The following CLSTN2 variants were observed in gnomAD, a reference collection of about 807,000 sequenced individuals.
CLSTN2 encodes calsyntenin-2.
In CLSTN2, 48 loss-of-function variants were observed where a neutral mutation model predicts 101.2. That is an observed-to-expected ratio of 0.47 (90% CI 0.38 to 0.60). CLSTN2 has a LOEUF of 0.60. Ranked by LOEUF, CLSTN2 falls within the 20% of genes least tolerant of loss-of-function variation. CLSTN2 has a pLI of 0.00. For synonymous variants in CLSTN2, 481 were observed against 463.6 expected (o/e 1.04, Z -0.48); for missense variants, 1,160 against 1,238.2 (o/e 0.94, Z 0.95).
intron 1 of CLSTN2, among the ~76,000 whole-genome samples, chr3:140,112,365 G>GTT (rs561478882): frequency 1.8e-4 from 13 of 73,098 alleles, no homozygotes; most frequent in African/African-American, 1.1e-3. Context: ...GTGTGTGTGT[G>GTT]TGTGTTTTTT....
chr3:140,263,841 T>C (rs1398856402), intron 2 of CLSTN2, among the ~76,000 whole-genome samples: 2 of 152,204 alleles, frequency 1.3e-5, no homozygotes, highest in African/African-American at 4.8e-5. Flanking sequence ...AGTTGAACTC[T>C]TGATAGTCTG....
intron 1 of CLSTN2, among the ~76,000 whole-genome samples, chr3:140,026,945 C>T (rs370702447): frequency 6.6e-6 from 1 of 152,260 alleles, no homozygotes; most frequent in African/African-American, 2.4e-5. Flanking sequence ...CATGCAGCCT[C>T]TGCAGATCCA....
chr3:140,264,354 G>A (rs2086676958), intron 2 of CLSTN2, among the ~76,000 whole-genome samples: 2 of 113,920 alleles, frequency 1.8e-5, no homozygotes, highest in Non-Finnish European at 3.9e-5. Flanking sequence ...CTGTTGCTGT[G>A]AGTTCAAGGT....
intron 2 of CLSTN2, among the ~76,000 whole-genome samples, chr3:140,276,896 A>G (rs1157548996): frequency 1.3e-5 from 2 of 152,164 alleles, no homozygotes; most frequent in African/African-American, 2.4e-5. Flanking sequence ...TATGGCACTT[A>G]AGAAAGCCTG....
intron 1 of CLSTN2, among the ~76,000 whole-genome samples, chr3:139,975,999 T>C (rs1374849483): frequency 1.3e-5 from 2 of 152,206 alleles, no homozygotes; most frequent in East Asian, 3.9e-4. Context: ...AAGTTGACTT[T>C]TCCATGAAGT....
At chr3:140,038,124 T>G (rs1262141932) in intron 1 of CLSTN2, among the ~76,000 whole-genome samples, 1 of 152,208 alleles carries the variant, frequency 6.6e-6, no homozygotes, top group Non-Finnish European at 1.5e-5. Context: ...ATCACCACAC[T>G]GTCCTCCACA....
chr3:140,234,319 G>T (rs965024398), intron 2 of CLSTN2, among the ~76,000 whole-genome samples: 3 of 152,106 alleles, frequency 2.0e-5, no homozygotes, highest in Non-Finnish European at 2.9e-5. Context: ...CTGTCTAGAC[G>T]ACACTCTGAG....
intron 2 of CLSTN2, among the ~76,000 whole-genome samples, chr3:140,204,876 G>A (rs2010760050): frequency 6.6e-6 from 1 of 152,150 alleles, no homozygotes; most frequent in Non-Finnish European, 1.5e-5. Context: ...CCCCCATTCT[G>A]GCTATATGAG....
intron 2 of CLSTN2, among the ~76,000 whole-genome samples, chr3:140,373,188 C>T (rs1165725019): frequency 2.0e-5 from 3 of 152,210 alleles, no homozygotes; most frequent in African/African-American, 7.2e-5. Flanking sequence ...AGAACTGTGA[C>T]TGTGTATAAC....
chr3:140,261,535 G>A (rs1402692291), intron 2 of CLSTN2, among the ~76,000 whole-genome samples: 1 of 152,072 alleles, frequency 6.6e-6, no homozygotes, highest in East Asian at 1.9e-4. Context: ...GCTTCTCCAA[G>A]GAGCCCTGGT....
rs1304705075 is a variant in CLSTN2, at chr3:140,573,588, C to T, written c.*7335C>T. 2 of 152,266 alleles carry T rather than the reference C, an allele frequency of 1.3e-5. No individual in the cohort carries two copies. Among genetic ancestry groups the T allele is most frequent in the Non-Finnish European group, 1.5e-5 (1 of 68,024 alleles). The allele number at this position is 152,266 out of a possible 1,614,324, so 9.4% of individuals were successfully genotyped here. On this transcript the variant is annotated 3_prime_UTR_variant, in exon 17 of 17. Transcript: ENST00000458420. ...CTGGTACTTTGTCAGTCGTGTACAC[C>T]TAACTGACTCCTCCTACGAGGTACA...
chr3:140,202,234 C>G (rs2010726519), intron 2 of CLSTN2, among the ~76,000 whole-genome samples: 1 of 152,138 alleles, frequency 6.6e-6, no homozygotes, highest in African/African-American at 2.4e-5. Context: ...GAAGAGGTTA[C>G]AGGGCTCAAG....
chr3:140,438,730 A>G (rs1036448422), intron 5 of CLSTN2, among the ~76,000 whole-genome samples: 2 of 152,168 alleles, frequency 1.3e-5, no homozygotes, highest in African/African-American at 4.8e-5. Context: ...ATTTCTATAC[A>G]TCTAAGAGAA....
chr3:139,995,479 T>A (rs4450768), intron 1 of CLSTN2, among the ~76,000 whole-genome samples: 84,061 of 152,016 alleles, frequency 0.55, 25,448 homozygotes, highest in Non-Finnish European at 0.67. Flanking sequence ...TCATTAGCAG[T>A]CTTTTCTCCT....
chr3:140,051,005 G>T (rs187551750), intron 1 of CLSTN2, among the ~76,000 whole-genome samples: 1 of 152,270 alleles, frequency 6.6e-6, no homozygotes, highest in Admixed American at 6.5e-5. Context: ...ACACACAAAG[G>T]GCACATTTGG....
chr3:140,413,810 A>G (rs1204663935), intron 4 of CLSTN2, among the ~76,000 whole-genome samples: 1 of 152,164 alleles, frequency 6.6e-6, no homozygotes, highest in East Asian at 1.9e-4. Context: ...ATCATATGAT[A>G]TCTCAATAGA....
At chr3:140,404,853 C>T in intron 4 of CLSTN2, 87 bp downstream of exon 4, 1 of 1,147,754 alleles carries the variant, frequency 8.7e-7, no homozygotes. Context: ...TCTGAATATG[C>T]TTGGCAAGTT....
intron 1 of CLSTN2, among the ~76,000 whole-genome samples, chr3:140,112,378 T>TAC (rs887656747): frequency 2.8e-4 from 42 of 151,964 alleles, no homozygotes; most frequent in African/African-American, 1.0e-3. Flanking sequence ...TGTTTTTTAC[T>TAC]ACACTCCAAA....
intron 1 of CLSTN2, among the ~76,000 whole-genome samples, chr3:139,966,955 C>T (rs898629331): frequency 6.6e-6 from 1 of 152,088 alleles, no homozygotes; most frequent in Non-Finnish European, 1.5e-5. Context: ...TCTGTCCTCA[C>T]GGGGACACTG....
Sources: allele counts gnomAD v4.1 joint callset (sites outside exome capture counted in the v4.1 genomes callset), GRCh38; gene constraint gnomAD v4.1.1; transcripts MANE v1.5; gene names NCBI Gene and HGNC (gene_info 2026-07-23, HGNC 2026-07-21).